Variants in THEMIS observed in about 807,000 individuals in gnomAD.
THEMIS encodes the protein thymocyte selection associated, also known as protein THEMIS.
In THEMIS, 37 loss-of-function variants were observed where a neutral mutation model predicts 52.6. The ratio of observed to expected loss-of-function variants is 0.70; its 90% CI spans 0.54 to 0.93. The LOEUF (loss-of-function observed/expected upper bound fraction) is 0.93, where lower values mean the gene tolerates loss of function less well. Among genes scored for constraint, THEMIS ranks in the 40% least tolerant of loss-of-function variants. The probability of loss-of-function intolerance (pLI) is 0.00; values close to 1 mark genes in which losing one functional copy is unlikely to be tolerated. For missense variants in THEMIS, 808 were observed against 763.1 expected, an observed-to-expected ratio of 1.06 and a Z score of -0.69; for synonymous variants, 292 against 272.7, an observed-to-expected ratio of 1.07 and a Z score of -0.70.
chr6:127,793,421 G>A (rs1777222014), intron 4 of THEMIS, among the ~76,000 whole-genome samples: 1 of 152,176 alleles, frequency 6.6e-6, no homozygotes, highest in African/African-American at 2.4e-5. Flanking sequence ...AACAGAGGCA[G>A]TTCCTGGGAA....
At chr6:127,799,511 ATCTTTCTTTCTTTCTTTC>A (rs1562264613) in intron 4 of THEMIS, among the ~76,000 whole-genome samples, 11 of 151,550 alleles carry the variant, frequency 7.3e-5, no homozygotes, top group Middle Eastern at 3.4e-3. Flanking sequence ...CCCATTGGTA[ATCTTTCTTTCTTTCTTTC>A]TCTTTCTTTC....
At chr6:127,764,085 G>C (rs1466611801) in intron 4 of THEMIS, among the ~76,000 whole-genome samples, 1 of 151,968 alleles carries the variant, frequency 6.6e-6, no homozygotes. Context: ...ACACAGGAAA[G>C]TGTGCAAGAT....
At chr6:127,866,029 G>C (rs1420433250) in intron 1 of THEMIS, among the ~76,000 whole-genome samples, 1 of 152,036 alleles carries the variant, frequency 6.6e-6, no homozygotes, top group Non-Finnish European at 1.5e-5. Context: ...GAAATGCATT[G>C]ATAATATGAG....
intron 4 of THEMIS, among the ~76,000 whole-genome samples, chr6:127,748,166 T>C (rs1157302026): frequency 6.6e-6 from 1 of 152,100 alleles, no homozygotes; most frequent in Non-Finnish European, 1.5e-5. Context: ...GTTACATCCA[T>C]TTGAGTTTAT....
chr6:127,904,350 G>A (rs1458123619), upstream of THEMIS, among the ~76,000 whole-genome samples: 4 of 152,028 alleles, frequency 2.6e-5, no homozygotes, highest in Non-Finnish European at 5.9e-5. Flanking sequence ...GGAAGCCAGG[G>A]CCAGCCAAGG....
In THEMIS at chr6:127,750,336, T is replaced by C. The variant is rs538035776; in HGVS notation, c.1759-30513A>G. Among the ~76,000 whole-genome samples the C allele has an allele frequency of 1.6e-4, 25 of 151,858 alleles. No homozygotes were observed. In the South Asian group the frequency reaches 5.0e-3, roughly 30 times the overall value. On this transcript the variant is annotated intron_variant, in intron 4 of 5. Transcript: ENST00000368248. ...TCAGGCATGTTTTTTTTTCATCGTC[T>C]TGGCCTATAAGTAAAATGTCCCCTC... is the stretch of plus-strand genomic sequence containing the variant.
At chr6:127,841,327 A>C (rs115425574) in intron 2 of THEMIS, among the ~76,000 whole-genome samples, 1 of 152,074 alleles carries the variant, frequency 6.6e-6, no homozygotes, top group Non-Finnish European at 1.5e-5. Flanking sequence ...TGCAAGAAAC[A>C]GAAGATCCAA....
chr6:127,900,784 C>A, intron 1 of THEMIS, 58 bp downstream of exon 1: 1 of 1,499,588 alleles, frequency 6.7e-7, no homozygotes, highest in Non-Finnish European at 9.2e-7. Flanking sequence ...CTCCAATTTT[C>A]AAAAATGTAT....
At chr6:127,892,772 TTACCAA>T (rs947497146) in intron 1 of THEMIS, among the ~76,000 whole-genome samples, 1 of 152,196 alleles carries the variant, frequency 6.6e-6, no homozygotes, top group African/African-American at 2.4e-5. Flanking sequence ...CGTTTACACA[TTACCAA>T]GTGTGCCTCG....
At chr6:127,913,226 C>G (rs1304676804) in intron 1 of THEMIS, among the ~76,000 whole-genome samples, 1 of 152,172 alleles carries the variant, frequency 6.6e-6, no homozygotes, top group Non-Finnish European at 1.5e-5. Context: ...AAAAAAGTCT[C>G]TTATACTCAT....
downstream of THEMIS, among the ~76,000 whole-genome samples, chr6:127,703,925 T>C (rs543773702): frequency 3.3e-5 from 5 of 152,294 alleles, no homozygotes; most frequent in East Asian, 9.7e-4. Context: ...ACCAGAAGAT[T>C]TGAGGTCTGG....
At chr6:127,914,588 G>A (rs1781480253) in intron 1 of THEMIS, among the ~76,000 whole-genome samples, 1 of 152,196 alleles carries the variant, frequency 6.6e-6, no homozygotes, top group South Asian at 2.1e-4. Context: ...GTAGGCAACT[G>A]TAACACAGTG....
intron 1 of THEMIS, among the ~76,000 whole-genome samples, chr6:127,890,677 A>C (rs1046496052): frequency 6.6e-6 from 1 of 152,164 alleles, no homozygotes; most frequent in African/African-American, 2.4e-5. Flanking sequence ...TGTATGAATC[A>C]AAATATTACA....
intron 2 of THEMIS, among the ~76,000 whole-genome samples, chr6:127,838,545 A>C (rs1778944800): frequency 6.6e-6 from 1 of 151,942 alleles, no homozygotes; most frequent in Non-Finnish European, 1.5e-5. Flanking sequence ...GTTTCATTTT[A>C]TGTATTCAAA....
Position 127,812,957 on chromosome 6 carries a change from A to T in THEMIS, c.1684T>A (p.Ser562Thr), listed in dbSNP as rs751561724. 5 of 1,613,896 alleles carry T rather than the reference A, an allele frequency of 3.1e-6. No homozygotes were observed. In the Admixed American group the frequency reaches 6.7e-5, roughly 22 times the overall value. ...AGGGTTAACTTTGTTTCCTCTACTG[A>T]GGGGTGTTTCGGAGGGCGAGGTGGG... ...HPPPRPPKHP[S>T]VEETKLTLLT... The change falls in exon 4 of 6, where the codon TCA becomes ACA. Residue 562 changes from serine to threonine, a missense_variant. By Grantham distance (58) the Ser-to-Thr change is moderately conservative. Coordinates refer to ENST00000368248, the MANE Select transcript of THEMIS (RefSeq NM_001010923.3).
At chr6:127,794,670 C>T (rs1777268211) in intron 4 of THEMIS, among the ~76,000 whole-genome samples, 1 of 152,150 alleles carries the variant, frequency 6.6e-6, no homozygotes, top group African/African-American at 2.4e-5. Flanking sequence ...TGGAACATTT[C>T]CTCTCACTAT....
At chr6:127,851,968 C>T (rs1779441372) in intron 2 of THEMIS, among the ~76,000 whole-genome samples, 1 of 151,526 alleles carries the variant, frequency 6.6e-6, no homozygotes, top group Non-Finnish European at 1.5e-5. Context: ...ATTGCTTTTG[C>T]ATCATGGTAA....
At position 127,911,301 on chromosome 6, in the gene THEMIS, C is replaced by T. The variant is rs562903177; in HGVS notation, c.-150+7127G>A. Among the ~76,000 whole-genome samples, 243 of 151,056 alleles carry T rather than the reference C, an allele frequency of 1.6e-3. 2 individuals are homozygous for T. Among genetic ancestry groups the T allele is most frequent in the Admixed American group, 3.2e-3 (48 of 15,208 alleles). ...TAGCTCCTTGAGGGAGGAATATCTA[C>T]GTAAATAATTTGGAGAATTTTAAAG... On this transcript the variant is annotated intron_variant, in intron 1 of 6. Coordinates refer to the THEMIS transcript ENST00000368250.
chr6:127,889,111 T>C (rs2114462460), intron 1 of THEMIS, among the ~76,000 whole-genome samples: 1 of 152,232 alleles, frequency 6.6e-6, no homozygotes, highest in South Asian at 2.1e-4. Flanking sequence ...TATAGTCACT[T>C]AGCAACATAG....
Sources: allele counts gnomAD v4.1 joint callset (sites outside exome capture counted in the v4.1 genomes callset), GRCh38; gene constraint gnomAD v4.1.1; transcripts MANE v1.5; gene names NCBI Gene and HGNC (gene_info 2026-07-23, HGNC 2026-07-21).